FAM53B: variants seen among roughly 807,000 people sequenced by gnomAD.
The protein encoded by FAM53B is protein FAM53B.
Under a neutral mutation model 32.7 loss-of-function variants are expected in FAM53B, and 12 were observed. That is an observed-to-expected ratio of 0.37 (90% CI 0.24 to 0.59). The LOEUF is 0.59. FAM53B is among the 20% of genes least tolerant of loss of function. FAM53B has a pLI of 0.72. For synonymous variants in FAM53B, 234 were observed against 228.7 expected (o/e 1.02, Z -0.21); for missense variants, 477 against 577.7 (o/e 0.83, Z 1.79).
chr10:124,635,623 T>C (rs1949424876), intron 4 of FAM53B, among the ~76,000 whole-genome samples: 1 of 152,154 alleles, frequency 6.6e-6, no homozygotes, highest in Non-Finnish European at 1.5e-5. Flanking sequence ...GAAGGGCTCC[T>C]ACAGCGTTAA....
intron 4 of FAM53B, among the ~76,000 whole-genome samples, chr10:124,658,717 G>A (rs965116843): frequency 3.3e-5 from 5 of 152,262 alleles, no homozygotes; most frequent in African/African-American, 7.2e-5. Flanking sequence ...ACTTCACCCC[G>A]GCAACCCAGG....
chr10:124,680,121 A>T (rs895891434), intron 4 of FAM53B, among the ~76,000 whole-genome samples: 2 of 152,224 alleles, frequency 1.3e-5, no homozygotes, highest in Non-Finnish European at 2.9e-5. Flanking sequence ...AATGTGTTCA[A>T]TCCCTGTCCA....
Position 124,639,602 on chromosome 10 carries a change from G to A in FAM53B, c.907-15998C>T, listed in dbSNP as rs78079968. ...AACTCAGGCTCCAGAAGGGTTGGCC[G>A]GGGTGGGTCTCTGTTCTTTTGACTT... On this transcript the variant is annotated intron_variant, in intron 4 of 4. Transcript: ENST00000337318. Among the ~76,000 whole-genome samples the A allele has an allele frequency of 4.9e-3, 749 of 152,282 alleles. 9 individuals carry two copies. Among genetic ancestry groups the A allele is most frequent in the African/African-American group, 0.018 (729 of 41,558 alleles).
intron 1 of FAM53B, among the ~76,000 whole-genome samples, chr10:124,716,571 G>C (rs1207618841): frequency 6.6e-6 from 1 of 152,176 alleles, no homozygotes; most frequent in Non-Finnish European, 1.5e-5. Flanking sequence ...AGCCCATGTT[G>C]TTTCTTGAAA....
At chr10:124,650,591 G>C (rs146573545) in intron 4 of FAM53B, among the ~76,000 whole-genome samples, 23 of 152,274 alleles carry the variant, frequency 1.5e-4, no homozygotes, top group African/African-American at 5.5e-4. Flanking sequence ...AAATGAGGAC[G>C]CTGCAGCTCA....
At chr10:124,684,072 G>A (rs1949788973) in intron 3 of FAM53B, among the ~76,000 whole-genome samples, 1 of 152,240 alleles carries the variant, frequency 6.6e-6, no homozygotes, top group African/African-American at 2.4e-5. Flanking sequence ...CCTTCCTCTT[G>A]GGCATCCTGC....
At chr10:124,625,710 C>A (rs924364501) in intron 4 of FAM53B, among the ~76,000 whole-genome samples, 2 of 152,234 alleles carry the variant, frequency 1.3e-5, no homozygotes, top group East Asian at 3.9e-4. Flanking sequence ...CTCAGCCACC[C>A]TCTTGACTGG....
chr10:124,657,174 GTACA>G (rs1564869785), intron 4 of FAM53B, among the ~76,000 whole-genome samples: 120 of 16,608 alleles, frequency 7.2e-3, no homozygotes, highest in South Asian at 0.039. Flanking sequence ...ATATATATAT[GTACA>G]TATATATATA....
intron 4 of FAM53B, among the ~76,000 whole-genome samples, chr10:124,676,612 GC>G (rs1456206253): frequency 5.5e-5 from 1 of 18,322 alleles, no homozygotes; most frequent in South Asian, 7.1e-3. Flanking sequence ...GAAAGTGGAA[GC>G]TGGCTGGGGG....
chr10:124,700,111 T>C (rs1048072107), intron 2 of FAM53B, among the ~76,000 whole-genome samples: 1 of 152,218 alleles, frequency 6.6e-6, no homozygotes, highest in African/African-American at 2.4e-5. Flanking sequence ...CAGAATGTCA[T>C]GTACTGACAG....
chr10:124,667,224 G>T, intron 4 of FAM53B: 1 of 561,522 alleles, frequency 1.8e-6, no homozygotes. Flanking sequence ...TCGATGACAT[G>T]TGGAAATGAT....
intron 4 of FAM53B, among the ~76,000 whole-genome samples, chr10:124,679,342 C>T (rs532804861): frequency 2.6e-5 from 4 of 152,334 alleles, no homozygotes; most frequent in East Asian, 1.9e-4. Flanking sequence ...TCTGGCAACA[C>T]GTTAGTCCTT....
At chr10:124,679,120 C>A (rs566386489) in intron 4 of FAM53B, among the ~76,000 whole-genome samples, 1 of 152,206 alleles carries the variant, frequency 6.6e-6, no homozygotes, top group Non-Finnish European at 1.5e-5. Context: ...AAAAGGCCCA[C>A]GAAAGAGAAG....
At chr10:124,636,501 C>G (rs1428429667) in intron 4 of FAM53B, among the ~76,000 whole-genome samples, 2 of 152,204 alleles carry the variant, frequency 1.3e-5, no homozygotes, top group African/African-American at 2.4e-5. Flanking sequence ...TTTCACATGG[C>G]TGGTAGGTGC....
intron 4 of FAM53B, among the ~76,000 whole-genome samples, chr10:124,624,592 G>C (rs1949333304): frequency 6.6e-6 from 1 of 152,184 alleles, no homozygotes; most frequent in African/African-American, 2.4e-5. Flanking sequence ...GTGCTCCCAG[G>C]CACCAAGTGT....
At chr10:124,699,319 G>A (rs1196411423) in intron 2 of FAM53B, among the ~76,000 whole-genome samples, 1 of 152,218 alleles carries the variant, frequency 6.6e-6, no homozygotes, top group Admixed American at 6.5e-5. Context: ...GTGGATGTCA[G>A]GCAACGGAAG....
intron 4 of FAM53B, among the ~76,000 whole-genome samples, chr10:124,658,005 C>T (rs1949605452): frequency 6.6e-6 from 1 of 152,166 alleles, no homozygotes; most frequent in South Asian, 2.1e-4. Context: ...ATATGTAGGT[C>T]ATACTAACCA....
chr10:124,714,626 G>A (rs1219108333), intron 1 of FAM53B, among the ~76,000 whole-genome samples: 4 of 152,058 alleles, frequency 2.6e-5, no homozygotes, highest in South Asian at 4.1e-4. Flanking sequence ...GGGTGTGGTG[G>A]CGCACGCCTG....
At chr10:124,702,377 T>C (rs1381832888) in intron 2 of FAM53B, among the ~76,000 whole-genome samples, 1 of 152,242 alleles carries the variant, frequency 6.6e-6, no homozygotes, top group Non-Finnish European at 1.5e-5. Context: ...CTCTGAACCT[T>C]TGCTGGCTGT....
Sources: gnomAD v4.1 joint callset for allele counts (sites outside exome capture counted in the v4.1 genomes callset) on GRCh38, gnomAD v4.1.1 for gene constraint, MANE v1.5 for transcripts, NCBI Gene and HGNC (gene_info 2026-07-23, HGNC 2026-07-21) for gene names.